The following TTC3 variants were observed in gnomAD, a reference collection of about 807,000 sequenced individuals.
The protein encoded by TTC3 is E3 ubiquitin-protein ligase TTC3.
Under a neutral mutation model 249.6 loss-of-function variants are expected in TTC3, and 180 were observed. The observed-to-expected ratio is 0.72, with a 90% CI of 0.64 to 0.82. TTC3 has a LOEUF of 0.82. Ranked by LOEUF, TTC3 falls within the 40% of genes least tolerant of loss-of-function variation. TTC3 has a pLI of 0.00. For synonymous variants in TTC3, 717 were observed against 805.0 expected (o/e 0.89, Z 1.85); for missense variants, 2,061 against 2,398.4 (o/e 0.86, Z 2.94).
intron 11 of TTC3, among the ~76,000 whole-genome samples, chr21:37,120,148 T>C (rs1409958496): frequency 2.0e-5 from 3 of 152,142 alleles, no homozygotes; most frequent in Non-Finnish European, 4.4e-5. Context: ...AGTGGGAACA[T>C]GGTGGTCTCC....
intron 40 of TTC3, 70 bp downstream of exon 40, chr21:37,191,494 C>A: frequency 2.2e-6 from 2 of 912,088 alleles, no homozygotes; most frequent in South Asian, 2.2e-5. Context: ...AGGCTGGTGT[C>A]ATATTGAATC....
chr21:37,163,836 G>A (rs937396643), intron 31 of TTC3, among the ~76,000 whole-genome samples: 74 of 152,282 alleles, frequency 4.9e-4, no homozygotes, highest in African/African-American at 1.8e-3. Flanking sequence ...AATTGAAAGT[G>A]CTTACTTAGA....
At chr21:37,177,016 G>A (rs945556098) in intron 35 of TTC3, among the ~76,000 whole-genome samples, 4 of 152,180 alleles carry the variant, frequency 2.6e-5, no homozygotes, top group Non-Finnish European at 4.4e-5. Context: ...ATCGCTAAGC[G>A]TAGAAGTCTG....
intron 10 of TTC3, chr21:37,099,025 T>C (rs777428306): frequency 3.9e-5 from 6 of 152,170 alleles, no homozygotes; most frequent in Non-Finnish European, 8.8e-5. Flanking sequence ...AGACTTCTTA[T>C]CTGCTGTCAT....
At chr21:37,114,051 A>T (rs1316637697) in intron 11 of TTC3, among the ~76,000 whole-genome samples, 1 of 152,274 alleles carries the variant, frequency 6.6e-6, no homozygotes, top group Non-Finnish European at 1.5e-5. Context: ...GATGGATTAA[A>T]GACTTCAATG....
chr21:37,119,103 A>G (rs1267853607), intron 11 of TTC3, among the ~76,000 whole-genome samples: 1 of 152,146 alleles, frequency 6.6e-6, no homozygotes, highest in Non-Finnish European at 1.5e-5. Context: ...GATATTGTGA[A>G]TTTTACCTTG....
At chr21:37,201,330 A>G in intron 45 of TTC3, 110 bp from the exon 46 acceptor site, 2 of 1,399,208 alleles carry the variant, frequency 1.4e-6, no homozygotes, top group Non-Finnish European at 2.0e-6. Flanking sequence ...TCCAGGCCCA[A>G]GAGACCAAGG....
At chr21:37,155,961 A>G (rs2080023189) in intron 27 of TTC3, among the ~76,000 whole-genome samples, 1 of 152,164 alleles carries the variant, frequency 6.6e-6, no homozygotes. Context: ...TGGAATCCAT[A>G]TAAAGAATCA....
At chr21:37,087,097 G>T in intron 1 of TTC3, 150 bp from the exon 2 acceptor site, 1 of 795,162 alleles carries the variant, frequency 1.3e-6, no homozygotes, top group Non-Finnish European at 2.0e-6. Context: ...ATGGGGACGA[G>T]AATCTTTCGG....
At chr21:37,169,304 A>G (rs1164273996) in intron 34 of TTC3, among the ~76,000 whole-genome samples, 1 of 152,228 alleles carries the variant, frequency 6.6e-6, no homozygotes, top group Non-Finnish European at 1.5e-5. Context: ...AAAACACAAT[A>G]TAAATCTATC....
At chr21:37,164,329 G>C in intron 32 of TTC3, 114 bp downstream of exon 32, 1 of 955,046 alleles carries the variant, frequency 1.0e-6, no homozygotes, top group Non-Finnish European at 1.5e-6. Flanking sequence ...TTTACACAAA[G>C]TTAATTTAGG....
In TTC3 at chr21:37,108,072, G is replaced by A. The variant is rs555002561; in HGVS notation, c.846-320G>A. 1.6e-3 allele frequency: 302 copies of A among 189,838 alleles called. 4 individuals are homozygous for A. The highest frequency in any genetic ancestry group is 7.5e-3 in the Middle Eastern group (3 of 400). 11.8% of individuals were successfully genotyped at this position (189,838 alleles called of 1,614,324 possible). On this transcript the variant is annotated intron_variant, in intron 10 of 45. Coordinates refer to ENST00000355666, the Ensembl canonical transcript of TTC3. ...TGCACTCCAGCCTGGGCGACAGAGCGAGACTCTGTCTCAAAAAAAACAAAA... is the reference window on the plus strand; with the variant it reads ...TGCACTCCAGCCTGGGCGACAGAGCAAGACTCTGTCTCAAAAAAAACAAAA...
At chr21:37,173,806 G>A (rs2082009967) in intron 35 of TTC3, among the ~76,000 whole-genome samples, 1 of 152,166 alleles carries the variant, frequency 6.6e-6, no homozygotes, top group Non-Finnish European at 1.5e-5. Context: ...AGAGTCTAAG[G>A]ACAAGAAGAA....
At chr21:37,132,834 G>T in intron 17 of TTC3, 68 bp downstream of exon 17, 3 of 1,237,512 alleles carry the variant, frequency 2.4e-6, no homozygotes, top group Non-Finnish European at 3.4e-6. Flanking sequence ...ACATGAATAA[G>T]GTTCTAATCA....
chr21:37,177,027 G>A (rs1421366751), intron 35 of TTC3, among the ~76,000 whole-genome samples: 1 of 152,160 alleles, frequency 6.6e-6, no homozygotes, highest in Non-Finnish European at 1.5e-5. Flanking sequence ...TAGAAGTCTG[G>A]ATCAGCTGGT....
intron 29 of TTC3, among the ~76,000 whole-genome samples, chr21:37,160,392 A>AG (rs2080589692): frequency 6.6e-6 from 1 of 152,198 alleles, no homozygotes; most frequent in Non-Finnish European, 1.5e-5. Flanking sequence ...CTCCATAAGG[A>AG]GCTGAAGGCT....
chr21:37,115,177 A>AATAATAAT (rs1268393811), intron 11 of TTC3, among the ~76,000 whole-genome samples: 1 of 146,754 alleles, frequency 6.8e-6, no homozygotes, highest in Non-Finnish European at 1.5e-5. Context: ...CTTAAAGTAT[A>AATAATAAT]ATAATAATAA....
chr21:37,127,777 C>T (rs2077150688), intron 15 of TTC3, among the ~76,000 whole-genome samples: 1 of 152,154 alleles, frequency 6.6e-6, no homozygotes, highest in Non-Finnish European at 1.5e-5. Flanking sequence ...GCTCCATGTT[C>T]GCTCAGGCTC....
intron 41 of TTC3, 52 bp from the exon 42 acceptor site, chr21:37,195,623 C>T (rs1324331041): frequency 8.5e-6 from 13 of 1,531,826 alleles, no homozygotes; most frequent in Non-Finnish European, 1.1e-5. Flanking sequence ...TTGGGCGTTT[C>T]ATCCTTCAAG....
Sources: allele counts gnomAD v4.1 joint callset (sites outside exome capture counted in the v4.1 genomes callset), GRCh38; gene constraint gnomAD v4.1.1; transcripts MANE v1.5; gene names NCBI Gene and HGNC (gene_info 2026-07-23, HGNC 2026-07-21).